GRM8: variants seen among roughly 807,000 people sequenced by gnomAD.
GRM8 encodes glutamate metabotropic receptor 8, also known as metabotropic glutamate receptor 8.
In GRM8, 47 loss-of-function variants were observed where a neutral mutation model predicts 87.2. The observed-to-expected ratio is 0.54, with a 90% CI of 0.43 to 0.69. The LOEUF is 0.69. GRM8 is among the 30% of genes least tolerant of loss of function. GRM8 has a pLI of 0.00. For synonymous variants in GRM8, 396 were observed against 404.5 expected (o/e 0.98, Z 0.25); for missense variants, 1,019 against 1,139.2 (o/e 0.89, Z 1.52).
intron 6 of GRM8, among the ~76,000 whole-genome samples, chr7:126,830,383 G>T (rs1426177044): frequency 2.0e-5 from 3 of 152,052 alleles, no homozygotes; most frequent in Non-Finnish European, 4.4e-5. Flanking sequence ...CCCATATTTC[G>T]TGGAGGCTTT....
rs142154962 is a variant in GRM8, at chr7:126,932,867, T to G, written c.728-28184A>C. Among the ~76,000 whole-genome samples the G allele has an allele frequency of 4.4e-4, 67 of 152,234 alleles. No individual in the cohort carries two copies. The East Asian group carries it at 0.012, about 28-fold the overall frequency. ...ATTGTGGAGGCAAGAAAGAGAGAGA[T>G]AGATGGATTCCCTCAAATGTCCGAT... On this transcript the variant is annotated intron_variant, in intron 3 of 10. Transcript: ENST00000339582.
At chr7:127,202,211 ACT>A (rs1301074783) in intron 2 of GRM8, among the ~76,000 whole-genome samples, 4 of 150,506 alleles carry the variant, frequency 2.7e-5, no homozygotes, top group Non-Finnish European at 5.9e-5. Context: ...AAAGGGTCTC[ACT>A]CTGTCACCCA....
chr7:126,829,850 C>A (rs1795188099), intron 6 of GRM8, among the ~76,000 whole-genome samples: 1 of 152,022 alleles, frequency 6.6e-6, no homozygotes, highest in Admixed American at 6.6e-5. Context: ...CCGGTTGTGC[C>A]TTTCCATGTT....
At chr7:126,937,474 C>T (rs1329740140) in intron 3 of GRM8, among the ~76,000 whole-genome samples, 1 of 152,136 alleles carries the variant, frequency 6.6e-6, no homozygotes, top group Non-Finnish European at 1.5e-5. Flanking sequence ...AAACCTGCAC[C>T]AGTAGAAAGC....
chr7:126,652,567 G>A lies in GRM8; in HGVS notation c.1358-43069C>T, dbSNP rs540201954. 9.9e-5 allele frequency among the ~76,000 whole-genome samples: 15 copies of A among 152,208 alleles called. No homozygotes were observed. In the South Asian group the frequency reaches 2.5e-3, roughly 25 times the overall value. Reference sequence around the variant, plus strand: ...CACCATCTAATCAGCTGCCAGCATGGCCAGAATATAAAGCAGGCAGAAAAA... The same window carrying A: ...CACCATCTAATCAGCTGCCAGCATGACCAGAATATAAAGCAGGCAGAAAAA... On this transcript the variant is annotated intron_variant, in intron 7 of 10. Transcript: ENST00000339582.
intron 8 of GRM8, among the ~76,000 whole-genome samples, chr7:126,604,296 A>T (rs1798133029): frequency 6.6e-6 from 1 of 152,142 alleles, no homozygotes; most frequent in African/African-American, 2.4e-5. Context: ...TTTAAATATC[A>T]AAACAAATAC....
chr7:127,215,779 G>A (rs1458022018), intron 2 of GRM8, among the ~76,000 whole-genome samples: 1 of 152,118 alleles, frequency 6.6e-6, no homozygotes, highest in Non-Finnish European at 1.5e-5. Context: ...AGTTCAACAG[G>A]CCTTCTCTAT....
chr7:126,734,465 A>G (rs1200822805), intron 7 of GRM8, among the ~76,000 whole-genome samples: 1 of 151,440 alleles, frequency 6.6e-6, no homozygotes, highest in Non-Finnish European at 1.5e-5. Flanking sequence ...TCTAGAAAAT[A>G]TAATATTGTA....
chr7:126,716,173 A>G lies in GRM8; in HGVS notation c.1357+53692T>C, dbSNP rs1362042373. Among the ~76,000 whole-genome samples, 6 of 152,278 alleles carry G rather than the reference A, an allele frequency of 3.9e-5. No individual in the cohort carries two copies. In the East Asian group the frequency reaches 1.2e-3, roughly 29 times the overall value. ...AGGAAAACTGAATAAACATTGAATA[A>G]ACACTTTTTTTTCTCTCTCTAAAAT... On this transcript the variant is annotated intron_variant, in intron 7 of 10. Coordinates refer to ENST00000339582, the MANE Select transcript of GRM8 (RefSeq NM_000845.3).
chr7:126,886,135 A>G (rs906553683), intron 6 of GRM8, among the ~76,000 whole-genome samples: 1 of 152,142 alleles, frequency 6.6e-6, no homozygotes, highest in African/African-American at 2.4e-5. Flanking sequence ...GTTAAAACAT[A>G]GAGATATTGA....
chr7:126,903,765 A>G lies in GRM8; in HGVS notation c.1018+207T>C, dbSNP rs201026633. Among the ~76,000 whole-genome samples, 42 of 95,822 alleles carry G rather than the reference A, an allele frequency of 4.4e-4. 3 individuals are homozygous for G. Among genetic ancestry groups the G allele is most frequent in the African/African-American group, 1.6e-3 (37 of 23,668 alleles). 62.9% of individuals were successfully genotyped at this position (95,822 alleles called of 152,430 possible). Reference sequence around the variant, plus strand: ...TATATATGTATATGTGTATATATATATGTGTGTGTGTATATATATATATAT... The same window carrying G: ...TATATATGTATATGTGTATATATATGTGTGTGTGTGTATATATATATATAT... On this transcript the variant is annotated intron_variant, in intron 5 of 10. Coordinates refer to ENST00000339582, the MANE Select transcript of GRM8 (RefSeq NM_000845.3).
Position 127,243,293 on chromosome 7 carries a change from G to A in GRM8, c.-89C>T. 1 of 1,228,404 alleles carries A rather than the reference G, an allele frequency of 8.1e-7. No homozygotes were observed. 76.1% of individuals were successfully genotyped at this position (1,228,404 alleles called of 1,614,324 possible). ...ACCACCTGAGGCTGCACCTTCTGGAGGCTACCATCAGGGCCCATGGGGAAA... is the reference window on the plus strand; with the variant it reads ...ACCACCTGAGGCTGCACCTTCTGGAAGCTACCATCAGGGCCCATGGGGAAA... On this transcript the variant is annotated 5_prime_UTR_variant, in exon 2 of 11. Coordinates refer to ENST00000339582, the MANE Select transcript of GRM8 (RefSeq NM_000845.3).
intron 7 of GRM8, among the ~76,000 whole-genome samples, chr7:126,695,273 A>T (rs890505002): frequency 1.3e-5 from 2 of 152,188 alleles, no homozygotes; most frequent in Non-Finnish European, 2.9e-5. Context: ...TTCCATACTG[A>T]TATCTTCTAT....
intron 8 of GRM8, among the ~76,000 whole-genome samples, chr7:126,537,452 T>C (rs1562935254): frequency 6.6e-6 from 1 of 152,120 alleles, no homozygotes; most frequent in Non-Finnish European, 1.5e-5. Context: ...TAACAACTTA[T>C]TTTACATAGT....
chr7:127,191,622 T>C (rs1489563421), intron 2 of GRM8, among the ~76,000 whole-genome samples: 3 of 152,154 alleles, frequency 2.0e-5, no homozygotes, highest in Non-Finnish European at 4.4e-5. Flanking sequence ...TCATAAGAGA[T>C]ATGCCATCAT....
intron 2 of GRM8, among the ~76,000 whole-genome samples, chr7:127,200,178 C>T (rs1413711316): frequency 1.3e-5 from 2 of 152,158 alleles, no homozygotes; most frequent in Non-Finnish European, 2.9e-5. Context: ...CATACCTTTT[C>T]TGGTCTATGT....
chr7:127,164,416 G>C (rs574904356), intron 2 of GRM8, among the ~76,000 whole-genome samples: 2 of 152,220 alleles, frequency 1.3e-5, no homozygotes, highest in Admixed American at 1.3e-4. Flanking sequence ...AAAAGTAAAG[G>C]CTGCAAGTGA....
chr7:126,451,137 C>T (rs1294592655), intron 9 of GRM8, among the ~76,000 whole-genome samples: 2 of 151,770 alleles, frequency 1.3e-5, no homozygotes, highest in South Asian at 2.1e-4. Context: ...TGACAAATTC[C>T]GGGCTTTTCT....
chr7:126,497,854 G>C (rs1367518134), intron 9 of GRM8, among the ~76,000 whole-genome samples: 2 of 151,918 alleles, frequency 1.3e-5, no homozygotes, highest in Admixed American at 1.3e-4. Flanking sequence ...GGCATCAGTA[G>C]ATCAGCCATG....
Sources: allele counts gnomAD v4.1 joint callset (sites outside exome capture counted in the v4.1 genomes callset), GRCh38; gene constraint gnomAD v4.1.1; transcripts MANE v1.5; gene names NCBI Gene and HGNC (gene_info 2026-07-23, HGNC 2026-07-21).